Variants in CDH12 observed in about 807,000 individuals in gnomAD.
CDH12 encodes cadherin-12.
Under a neutral mutation model 74.1 loss-of-function variants are expected in CDH12, and 41 were observed. That is an observed-to-expected ratio of 0.55 (90% CI 0.43 to 0.72). The LOEUF is 0.72. CDH12 is among the 30% of genes least tolerant of loss of function. The pLI is 0.00. For missense variants in CDH12, 945 were observed against 977.2 expected (o/e 0.97, Z 0.44); for synonymous variants, 399 against 355.0 (o/e 1.12, Z -1.39).
intron 1 of CDH12, among the ~76,000 whole-genome samples, chr5:22,793,611 C>T (rs754298506): frequency 6.6e-6 from 1 of 152,142 alleles, no homozygotes; most frequent in Non-Finnish European, 1.5e-5. Flanking sequence ...GAAAAGCAAC[C>T]TACTACATTT....
intron 1 of CDH12, among the ~76,000 whole-genome samples, chr5:22,644,532 A>C (rs1739333711): frequency 6.6e-6 from 1 of 152,178 alleles, no homozygotes; most frequent in Non-Finnish European, 1.5e-5. Flanking sequence ...AAAATTTTTA[A>C]AAAATGAAGC....
chr5:22,010,368 T>G (rs1347004560), intron 5 of CDH12, among the ~76,000 whole-genome samples: 1 of 152,200 alleles, frequency 6.6e-6, no homozygotes, highest in Non-Finnish European at 1.5e-5. Context: ...TAAGAATTTA[T>G]GGGCATTAAC....
chr5:21,757,828 T>G (rs981478349), intron 13 of CDH12, among the ~76,000 whole-genome samples: 3 of 152,188 alleles, frequency 2.0e-5, no homozygotes, highest in Admixed American at 1.3e-4. Flanking sequence ...ATCTATTTTG[T>G]CTTATTACAT....
chr5:22,638,723 G>A (rs1738969064), intron 1 of CDH12: 1 of 152,184 alleles, frequency 6.6e-6, no homozygotes, highest in Non-Finnish European at 1.5e-5. Context: ...ATGCTCAGGA[G>A]TTACACAAGG....
chr5:22,314,223 G>A (rs1738515584), intron 3 of CDH12, among the ~76,000 whole-genome samples: 1 of 152,098 alleles, frequency 6.6e-6, no homozygotes, highest in Non-Finnish European at 1.5e-5. Flanking sequence ...GGAGTAGTCA[G>A]GGTTTTTAAA....
intron 1 of CDH12, among the ~76,000 whole-genome samples, chr5:22,724,641 C>T (rs1410083875): frequency 2.0e-5 from 3 of 151,812 alleles, no homozygotes; most frequent in Admixed American, 6.6e-5. Context: ...GGTTTATAGG[C>T]ACTTAGGTTG....
chr5:22,327,714 C>G (rs539716027), intron 3 of CDH12, among the ~76,000 whole-genome samples: 1 of 152,150 alleles, frequency 6.6e-6, no homozygotes. Flanking sequence ...TCTTTTCTGT[C>G]TTCTTCTTTT....
At chr5:21,800,061 C>A (rs1357651497) in intron 10 of CDH12, among the ~76,000 whole-genome samples, 2 of 152,142 alleles carry the variant, frequency 1.3e-5, no homozygotes, top group African/African-American at 2.4e-5. Flanking sequence ...TTGGACCTCT[C>A]ACCCCTCTCT....
chr5:22,359,496 C>T (rs1205741503), intron 3 of CDH12, among the ~76,000 whole-genome samples: 1 of 152,088 alleles, frequency 6.6e-6, no homozygotes, highest in Non-Finnish European at 1.5e-5. Context: ...CTTCAACACC[C>T]CACTGTCAAC....
Position 22,591,405 on chromosome 5 carries a change from A to AT in CDH12, c.-522-86042dup, listed in dbSNP as rs542054373. On this transcript the variant is annotated intron_variant, in intron 1 of 14. Coordinates refer to ENST00000382254, the MANE Select transcript of CDH12 (RefSeq NM_004061.5). ...TCACAGAAATTATAGACTAGATAAT[A>AT]TTTTTTAAAATGGCATGTTTGTAAT... Among the ~76,000 whole-genome samples, 255 of 152,240 alleles carry AT rather than the reference A, an allele frequency of 1.7e-3. 5 individuals are homozygous for AT. The highest frequency in any genetic ancestry group is 2.0e-3 in the Non-Finnish European group (134 of 68,008).
chr5:21,976,081 G>T (rs938775011), intron 5 of CDH12, among the ~76,000 whole-genome samples: 1 of 152,126 alleles, frequency 6.6e-6, no homozygotes, highest in Non-Finnish European at 1.5e-5. Context: ...ATAGGGCAGA[G>T]CATCTCATTT....
rs1205194959 is a variant in CDH12, at chr5:21,880,670, TC to T, written c.527-25881del. 2.9e-3 allele frequency among the ~76,000 whole-genome samples: 411 copies of T among 141,230 alleles called. 2 individuals are homozygous for T. The highest frequency in any genetic ancestry group is 4.8e-3 in the Non-Finnish European group (311 of 64,528). 92.7% of individuals were successfully genotyped at this position (141,230 alleles called of 152,430 possible). A position where few individuals can be genotyped will look rare whatever the true frequency, so the allele number is the denominator to read the frequency against. On this transcript the variant is annotated intron_variant, in intron 6 of 14. Transcript: ENST00000382254. ...TTCTTTCTTTCTTTCTTTCTTTCTT[TC>T]TTTCTTTCTTTCTTTCTTTCTCTTT...
In CDH12 at chr5:22,390,156, A is replaced by T. The variant is rs902523082; in HGVS notation, c.-333+15101T>A. ...AAGATGCTGGCCTAGAAGCCACTGA[A>T]AACCTGTGAAAAACTCTTACTCCTG... On this transcript the variant is annotated intron_variant, in intron 3 of 14. Transcript: ENST00000382254. Among the ~76,000 whole-genome samples the T allele has an allele frequency of 2.0e-5, 3 of 152,040 alleles. No homozygotes were observed. The East Asian group carries it at 5.8e-4, about 29-fold the overall frequency.
chr5:22,805,782 A>G (rs1748751071), intron 1 of CDH12, among the ~76,000 whole-genome samples: 1 of 152,016 alleles, frequency 6.6e-6, no homozygotes, highest in Non-Finnish European at 1.5e-5. Context: ...TACATTAGGT[A>G]TTTCTCCTAA....
chr5:22,271,171 A>G (rs1736382277), intron 3 of CDH12, among the ~76,000 whole-genome samples: 1 of 152,138 alleles, frequency 6.6e-6, no homozygotes, highest in Non-Finnish European at 1.5e-5. Context: ...CTGCTTTATC[A>G]ACTTAGTTTA....
At chr5:22,474,418 G>A (rs1473920659) in intron 2 of CDH12, among the ~76,000 whole-genome samples, 1 of 152,050 alleles carries the variant, frequency 6.6e-6, no homozygotes, top group Non-Finnish European at 1.5e-5. Flanking sequence ...GCATGATCAA[G>A]AATAAAGAAA....
intron 3 of CDH12, among the ~76,000 whole-genome samples, chr5:22,283,228 ATATATAT>A (rs1435833190): frequency 0.02 from 965 of 48,174 alleles, 19 homozygotes; most frequent in African/African-American, 0.064. Context: ...ATATATATAT[ATATATAT>A]ATATATATAT....
chr5:22,221,659 G>A (rs1752018576), intron 3 of CDH12, among the ~76,000 whole-genome samples: 1 of 151,718 alleles, frequency 6.6e-6, no homozygotes, highest in Non-Finnish European at 1.5e-5. Context: ...AGGTTAGCTG[G>A]CCAATAACAT....
At chr5:22,700,646 G>T (rs1742667967) in intron 1 of CDH12, among the ~76,000 whole-genome samples, 1 of 152,122 alleles carries the variant, frequency 6.6e-6, no homozygotes, top group African/African-American at 2.4e-5. Flanking sequence ...GGGAAGAATT[G>T]CTACACTGGT....
Sources: gnomAD v4.1 joint callset for allele counts (sites outside exome capture counted in the v4.1 genomes callset) on GRCh38, gnomAD v4.1.1 for gene constraint, MANE v1.5 for transcripts, NCBI Gene and HGNC (gene_info 2026-07-23, HGNC 2026-07-21) for gene names.